OR9Q1: variants seen among roughly 807,000 people sequenced by gnomAD.
OR9Q1 encodes olfactory receptor family 9 subfamily Q member 1, also known as olfactory receptor 9Q1.
For missense variants in OR9Q1, 374 were observed against 378.8 expected (o/e 0.99, Z 0.11); for synonymous variants, 153 against 148.6 (o/e 1.03, Z -0.22).
At chr11:58,079,441 A>C (rs1188447010) in intron 2 of OR9Q1, among the ~76,000 whole-genome samples, 1 of 152,114 alleles carries the variant, frequency 6.6e-6, no homozygotes, top group Non-Finnish European at 1.5e-5. Context: ...AGTAAATTGA[A>C]TTTTTATATT....
At chr11:58,119,978 C>T (rs1854011262) in intron 2 of OR9Q1, among the ~76,000 whole-genome samples, 1 of 152,186 alleles carries the variant, frequency 6.6e-6, no homozygotes, top group African/African-American at 2.4e-5. Context: ...ACTGATGAAT[C>T]TGCTCTTCCT....
At chr11:58,155,411 CCA>C (rs891690715) in intron 2 of OR9Q1, among the ~76,000 whole-genome samples, 2 of 151,988 alleles carry the variant, frequency 1.3e-5, no homozygotes, top group African/African-American at 4.8e-5. Flanking sequence ...AGAAAATGAA[CCA>C]CACAGGTACC....
chr11:58,181,584 A>G lies in OR9Q1; in HGVS notation c.*1207A>G, dbSNP rs1244975120. 2 of 161,022 alleles carry G rather than the reference A, an allele frequency of 1.2e-5. No homozygotes were observed. The highest frequency in any genetic ancestry group is 2.9e-5 in the Non-Finnish European group (2 of 68,004). 10.0% of individuals were successfully genotyped at this position (161,022 alleles called of 1,614,324 possible). On this transcript the variant is annotated 3_prime_UTR_variant, in exon 3 of 3. Coordinates refer to ENST00000335397, the MANE Select transcript of OR9Q1 (RefSeq NM_001005212.4). ...ATTACTAAAAAAAAAAAAAAAAAAA[A>G]AAATCCAAAACCAAAACAACAACAA... is the stretch of plus-strand genomic sequence containing the variant.
At chr11:58,158,464 T>G (rs1020995068) in intron 2 of OR9Q1, among the ~76,000 whole-genome samples, 6 of 150,250 alleles carry the variant, frequency 4.0e-5, no homozygotes, top group African/African-American at 1.2e-4. Flanking sequence ...ATAGGAAGAG[T>G]TTTAAAAGAA....
At chr11:58,060,390 T>C (rs568761275) in intron 2 of OR9Q1, among the ~76,000 whole-genome samples, 2 of 152,204 alleles carry the variant, frequency 1.3e-5, no homozygotes, top group Admixed American at 1.3e-4. Context: ...TAAAGCAAAA[T>C]AACAAGAAAA....
chr11:58,161,004 T>G (rs1854451971), intron 2 of OR9Q1, among the ~76,000 whole-genome samples: 1 of 151,956 alleles, frequency 6.6e-6, no homozygotes, highest in Non-Finnish European at 1.5e-5. Flanking sequence ...CTTTATTTCT[T>G]TCTCTTGCCT....
chr11:58,128,111 A>G (rs1386149404), intron 2 of OR9Q1, among the ~76,000 whole-genome samples: 3 of 152,090 alleles, frequency 2.0e-5, no homozygotes, highest in Admixed American at 2.0e-4. Flanking sequence ...CAAAATGAGC[A>G]TCACTAGATA....
intron 2 of OR9Q1, among the ~76,000 whole-genome samples, chr11:58,090,394 T>C (rs1853673056): frequency 6.6e-6 from 1 of 152,226 alleles, no homozygotes. Flanking sequence ...CTGCTTCTAT[T>C]GAGGTAATCA....
intron 2 of OR9Q1, among the ~76,000 whole-genome samples, chr11:58,145,759 G>C (rs1242556968): frequency 6.6e-6 from 1 of 152,106 alleles, no homozygotes; most frequent in Non-Finnish European, 1.5e-5. Flanking sequence ...GCGTATTGTG[G>C]AGCATTTTCT....
intron 2 of OR9Q1, among the ~76,000 whole-genome samples, chr11:58,081,657 A>T (rs1397342812): frequency 6.6e-6 from 1 of 151,754 alleles, no homozygotes; most frequent in Non-Finnish European, 1.5e-5. Context: ...CTACTTTTTG[A>T]TGGGGTTGTT....
chr11:58,121,374 C>T (rs941583815), intron 2 of OR9Q1, among the ~76,000 whole-genome samples: 7 of 152,186 alleles, frequency 4.6e-5, no homozygotes, highest in Non-Finnish European at 8.8e-5. Flanking sequence ...TGCATGGAAG[C>T]CTAGGTTCCC....
intron 2 of OR9Q1, chr11:58,118,708 G>C (rs1590600229): frequency 1.2e-6 from 2 of 1,614,092 alleles, no homozygotes. Flanking sequence ...GGCCACAGCA[G>C]TGATGTGAGA....
At chr11:58,154,105 G>C (rs2867031) in intron 2 of OR9Q1, among the ~76,000 whole-genome samples, 37,114 of 150,678 alleles carry the variant, frequency 0.25, 4,896 homozygotes, top group Middle Eastern at 0.42. Flanking sequence ...AAGGGGAGGA[G>C]GAAGGAGGAG....
chr11:58,025,659 T>A (rs1479759250), intron 1 of OR9Q1, among the ~76,000 whole-genome samples: 1 of 152,200 alleles, frequency 6.6e-6, no homozygotes, highest in Non-Finnish European at 1.5e-5. Flanking sequence ...AATGATTCCA[T>A]CAGATATTCA....
intron 2 of OR9Q1, among the ~76,000 whole-genome samples, chr11:58,115,718 TG>T (rs1209643732): frequency 3.9e-5 from 6 of 152,148 alleles, no homozygotes; most frequent in Non-Finnish European, 8.8e-5. Context: ...AGGGGTGCAA[TG>T]GGGGTCTGCA....
At chr11:58,171,165 T>C (rs1854550893) in intron 2 of OR9Q1, 1 of 152,236 alleles carries the variant, frequency 6.6e-6, no homozygotes, top group African/African-American at 2.4e-5. Flanking sequence ...TTTGTGGGAC[T>C]GTCAACCCTT....
chr11:58,119,064 G>A, intron 2 of OR9Q1: 1 of 1,613,992 alleles, frequency 6.2e-7, no homozygotes, highest in Non-Finnish European at 8.5e-7. Flanking sequence ...GCAGTGGGTT[G>A]CGAATGGCAG....
chr11:58,073,434 A>G (rs1286672980), intron 2 of OR9Q1: 1 of 152,852 alleles, frequency 6.5e-6, no homozygotes, highest in East Asian at 1.9e-4. Flanking sequence ...TCTTATGTCA[A>G]TGTTTTATTA....
chr11:58,119,042 C>G (rs1853994213), intron 2 of OR9Q1: 1 of 1,613,952 alleles, frequency 6.2e-7, no homozygotes, highest in East Asian at 2.2e-5. Flanking sequence ...GGATTCATGG[C>G]CACGGTATAG....
Sources: gnomAD v4.1 joint callset for allele counts (sites outside exome capture counted in the v4.1 genomes callset) on GRCh38, gnomAD v4.1.1 for gene constraint, MANE v1.5 for transcripts, NCBI Gene and HGNC (gene_info 2026-07-23, HGNC 2026-07-21) for gene names.